Variants in DCHS2 observed in about 807,000 individuals in gnomAD.
DCHS2 encodes protocadherin-23.
DCHS2 carries 142 observed loss-of-function variants against 182.4 expected under a neutral mutation model. The observed-to-expected ratio is 0.78, with a 90% CI of 0.68 to 0.89. DCHS2 has a LOEUF of 0.89. DCHS2 is among the 40% of genes least tolerant of loss of function. The pLI is 0.00. For synonymous variants in DCHS2, 1,740 were observed against 1,663.3 expected (o/e 1.05, Z -1.12); for missense variants, 4,319 against 4,198.6 (o/e 1.03, Z -0.79).
intron 6 of DCHS2, among the ~76,000 whole-genome samples, chr4:154,329,101 C>G (rs1174286302): frequency 6.6e-6 from 1 of 152,184 alleles, no homozygotes; most frequent in Admixed American, 6.5e-5. Context: ...TTTACTATCT[C>G]TGGATTTCCA....
Position 154,240,800 on chromosome 4 carries a change from T to C in DCHS2, c.7096A>G (p.Thr2366Ala), listed in dbSNP as rs1271660277. ...TCCACATCATGAACTGACACATGAGTCACAATTACACCAGGCAAAGAATCT... is the reference window on the plus strand; with the variant it reads ...TCCACATCATGAACTGACACATGAGCCACAATTACACCAGGCAAAGAATCT... ...TEDSLPGVIV[T>A]HVSVHDVDLN... is the part of the protein sequence containing the mutation. The change falls in exon 18 of 20, where the codon ACT becomes GCT. Residue 2366 changes from threonine to alanine, a missense_variant. By Grantham distance (58) the Thr-to-Ala change is moderately conservative (BLOSUM62 0). Transcript: ENST00000357232. The C allele has an allele frequency of 1.9e-6, 3 of 1,613,582 alleles. No individual in the cohort carries two copies. Among genetic ancestry groups the C allele is most frequent in the Non-Finnish European group, 2.5e-6 (3 of 1,179,852 alleles).
intron 14 of DCHS2, among the ~76,000 whole-genome samples, chr4:154,268,073 T>C (rs1488392061): frequency 1.3e-5 from 2 of 152,250 alleles, no homozygotes; most frequent in Non-Finnish European, 2.9e-5. Context: ...GCCATGACTT[T>C]TGCATCGTGA....
intron 13 of DCHS2, among the ~76,000 whole-genome samples, chr4:154,281,893 A>T (rs574472401): frequency 3.3e-4 from 51 of 152,264 alleles, no homozygotes; most frequent in African/African-American, 1.2e-3. Context: ...TGATCAAATG[A>T]ACTTCAATAA....
Position 154,243,092 on chromosome 4 carries a change from G to T in DCHS2, c.6942-320C>A, listed in dbSNP as rs993454176. 6.6e-5 allele frequency among the ~76,000 whole-genome samples: 10 copies of T among 152,184 alleles called. No homozygotes were observed. In the East Asian group the frequency reaches 1.9e-3, roughly 29 times the overall value. ...CTGTGAAGAATAATCTTAAAAAATA[G>T]AAACACCAATATCTGTACTTTGGAT... On this transcript the variant is annotated intron_variant, in intron 16 of 19. Transcript: ENST00000357232.
At chr4:154,375,486 A>G (rs1042765093) in intron 2 of DCHS2, among the ~76,000 whole-genome samples, 9 of 152,176 alleles carry the variant, frequency 5.9e-5, no homozygotes, top group African/African-American at 2.2e-4. Context: ...TAAGAAAAAG[A>G]TCCAACAATA....
intron 1 of DCHS2, among the ~76,000 whole-genome samples, chr4:154,438,959 A>G (rs530540824): frequency 1.8e-4 from 27 of 152,246 alleles, no homozygotes; most frequent in Non-Finnish European, 2.8e-4. Context: ...CCCCTTAACT[A>G]TTGTTGAGTT....
chr4:154,298,082 C>A lies in DCHS2; in HGVS notation c.6232G>T (p.Ala2078Ser). The change falls in exon 13 of 20, where the codon GCA (alanine) becomes TCA (serine). Residue 2078 changes from alanine (A) to serine (S), a missense_variant. Ala to Ser is a moderately conservative substitution (Grantham distance 99). Coordinates refer to ENST00000357232, the MANE Select transcript of DCHS2 (RefSeq NM_001358235.2). Reference sequence around the variant, plus strand: ...ATAGAAAACATTGACTGGGTCTCTGCAAAACTAAAAACCACAGTTCCATTG... The same window carrying A: ...ATAGAAAACATTGACTGGGTCTCTGAAAAACTAAAAACCACAGTTCCATTG... ...GPNGTVVFSF[A>S]ETQSMFSIDK... The A allele has an allele frequency of 1.2e-6, 2 of 1,614,054 alleles. No individual in the cohort carries two copies. Among genetic ancestry groups the A allele is most frequent in the Non-Finnish European group, 1.7e-6 (2 of 1,179,998 alleles).
At chr4:154,453,856 A>G (rs1433061721) in intron 1 of DCHS2, among the ~76,000 whole-genome samples, 4 of 152,174 alleles carry the variant, frequency 2.6e-5, no homozygotes. Context: ...CAATAGTGCT[A>G]TTTTGTATTT....
intron 2 of DCHS2, among the ~76,000 whole-genome samples, chr4:154,368,013 T>C (rs562249521): frequency 6.6e-6 from 1 of 152,300 alleles, no homozygotes; most frequent in South Asian, 2.1e-4. Context: ...TGATTTTCCA[T>C]GTTCTGAGTT....
At chr4:154,304,631 A>G in intron 12 of DCHS2, 38 bp downstream of exon 12, 2 of 1,435,542 alleles carry the variant, frequency 1.4e-6, no homozygotes, top group South Asian at 2.7e-5. Context: ...TCTGTCTTAA[A>G]AAAACAAACA....
At chr4:154,394,917 A>G (rs926460994) in intron 1 of DCHS2, among the ~76,000 whole-genome samples, 2 of 152,202 alleles carry the variant, frequency 1.3e-5, no homozygotes, top group Non-Finnish European at 2.9e-5. Context: ...TGATTTGTTT[A>G]TACCAATTAC....
At chr4:154,368,612 G>T (rs1730503988) in intron 2 of DCHS2, among the ~76,000 whole-genome samples, 1 of 151,940 alleles carries the variant, frequency 6.6e-6, no homozygotes, top group Non-Finnish European at 1.5e-5. Context: ...CGCCTCCCGG[G>T]TTCAAGTGAT....
intron 1 of DCHS2, among the ~76,000 whole-genome samples, chr4:154,430,908 C>G (rs1733533544): frequency 6.6e-6 from 1 of 152,188 alleles, no homozygotes; most frequent in South Asian, 2.1e-4. Flanking sequence ...GGGCTCTCTT[C>G]TGTTCCATTG....
chr4:154,235,324 T>C lies in DCHS2; in HGVS notation c.9328A>G (p.Ile3110Val), dbSNP rs1432960822. The change falls in exon 20 of 20, where the codon ATA becomes GTA. Residue 3110 changes from isoleucine (I) to valine (V), a missense_variant. Coordinates refer to ENST00000357232, the MANE Select transcript of DCHS2 (RefSeq NM_001358235.2). ...CACTTTCTGTAGGGATGCTCATTTATCCTCTGGATTTCCTTATCTTCTGCA... is the reference window on the plus strand; with the variant it reads ...CACTTTCTGTAGGGATGCTCATTTACCCTCTGGATTTCCTTATCTTCTGCA... ...ETAEDKEIQR[I>V]NEHPYRKCSD... 15 of 1,614,096 alleles carry C rather than the reference T, an allele frequency of 9.3e-6. No homozygotes were observed. Among genetic ancestry groups the C allele is most frequent in the African/African-American group, 1.3e-5 (1 of 75,056 alleles).
chr4:154,353,231 T>C (rs1270195416), intron 3 of DCHS2, among the ~76,000 whole-genome samples: 4 of 151,824 alleles, frequency 2.6e-5, no homozygotes, highest in Non-Finnish European at 4.4e-5. Flanking sequence ...AAATACCTTC[T>C]AAAGAAACCC....
At chr4:154,425,150 C>A (rs994375136) in intron 1 of DCHS2, among the ~76,000 whole-genome samples, 1 of 152,166 alleles carries the variant, frequency 6.6e-6, no homozygotes, top group African/African-American at 2.4e-5. Context: ...GAGGGGTCTA[C>A]CCCTTCAGTA....
chr4:154,442,501 A>G (rs28674849), intron 1 of DCHS2, among the ~76,000 whole-genome samples: 1 of 120,454 alleles, frequency 8.3e-6, no homozygotes, highest in Non-Finnish European at 1.7e-5. Context: ...TATTCTCTTC[A>G]CTTTTTTGCT....
intron 1 of DCHS2, among the ~76,000 whole-genome samples, chr4:154,486,889 T>C (rs1021379119): frequency 3.9e-5 from 6 of 152,164 alleles, no homozygotes; most frequent in African/African-American, 1.4e-4. Flanking sequence ...TTTAATGCTG[T>C]CTGCAGCAAT....
intron 1 of DCHS2, among the ~76,000 whole-genome samples, chr4:154,425,264 T>C (rs1358040911): frequency 6.6e-6 from 1 of 152,224 alleles, no homozygotes; most frequent in Non-Finnish European, 1.5e-5. Flanking sequence ...CTCTGTACCA[T>C]GCCTGCGTTG....
Sources: gnomAD v4.1 joint callset for allele counts (sites outside exome capture counted in the v4.1 genomes callset) on GRCh38, gnomAD v4.1.1 for gene constraint, MANE v1.5 for transcripts, NCBI Gene and HGNC (gene_info 2026-07-23, HGNC 2026-07-21) for gene names.